Variants in C1orf174 observed in about 807,000 individuals in gnomAD.
C1orf174 encodes the protein chromosome 1 open reading frame 174, also known as UPF0688 protein C1orf174.
A neutral mutation model predicts 18.4 loss-of-function variants in C1orf174; 13 were observed. That is an observed-to-expected ratio of 0.71 (90% CI 0.46 to 1.12). C1orf174 has a LOEUF of 1.12. Ranked by LOEUF, C1orf174 falls within the 50% of genes most tolerant of loss-of-function variation. The pLI, the probability that C1orf174 is intolerant of heterozygous loss-of-function variation, is 0.00. For synonymous variants in C1orf174, 100 were observed against 118.3 expected, an observed-to-expected ratio of 0.85 and a Z score of 1.01; for missense variants, 309 against 308.0, an observed-to-expected ratio of 1.00 and a Z score of -0.02.
chr1:3,900,023 G>GC, intron 1 of C1orf174, 149 bp downstream of exon 1: 1 of 922,758 alleles, frequency 1.1e-6, no homozygotes, highest in Non-Finnish European at 1.5e-6. Context: ...GTGGCCTGGA[G>GC]CCCCCCAACT....
chr1:3,891,846 G>C, intron 2 of C1orf174: 1 of 981,806 alleles, frequency 1.0e-6, no homozygotes, highest in East Asian at 1.1e-4. Context: ...GGGTGGGCAG[G>C]TGCTAGGATC....
chr1:3,894,563 C>T (rs1459042113), intron 1 of C1orf174, among the ~76,000 whole-genome samples: 1 of 149,102 alleles, frequency 6.7e-6, no homozygotes, highest in African/African-American at 2.5e-5. Flanking sequence ...GCCGAGATTG[C>T]GCCACCGCAC....
intron 1 of C1orf174, among the ~76,000 whole-genome samples, chr1:3,898,229 G>A (rs544151134): frequency 1.2e-3 from 182 of 152,238 alleles, no homozygotes; most frequent in African/African-American, 4.1e-3. Flanking sequence ...CTTCAAAAAT[G>A]GGCTGGGCAT....
At chr1:3,894,884 G>A (rs1478912811) in intron 1 of C1orf174, among the ~76,000 whole-genome samples, 1 of 152,236 alleles carries the variant, frequency 6.6e-6, no homozygotes, top group Non-Finnish European at 1.5e-5. Context: ...ACAAGGGCAG[G>A]GCTTTGCTGA....
At chr1:3,897,112 CA>C (rs1189030315) in intron 1 of C1orf174, among the ~76,000 whole-genome samples, 42 of 152,096 alleles carry the variant, frequency 2.8e-4, no homozygotes, top group African/African-American at 9.7e-4. Context: ...ATTATGAAGG[CA>C]TAATTCCAAC....
chr1:3,896,657 T>C (rs1395224907), intron 1 of C1orf174, among the ~76,000 whole-genome samples: 3 of 152,176 alleles, frequency 2.0e-5, no homozygotes, highest in African/African-American at 4.8e-5. Context: ...ATAGGCCAAA[T>C]TGTAGGCCAA....
In C1orf174 at chr1:3,890,832, G is replaced by A; in HGVS notation, c.355C>T (p.Leu119Phe). The change falls in exon 3 of 4, where the codon CTT (leucine) becomes TTT (phenylalanine). Residue 119 changes from leucine to phenylalanine, a missense_variant. Leu to Phe is a conservative substitution (Grantham distance 22). Transcript: ENST00000361605. ...GVSVQQGAAS[L>F]PLGGCRVVSD... is the part of the protein sequence containing the mutation. Reference sequence around the variant, plus strand: ...ACAACTCTGCAGCCACCGAGAGGAAGACTTGCAGCCCCCTGCTGCACAGAA... The same window carrying A: ...ACAACTCTGCAGCCACCGAGAGGAAAACTTGCAGCCCCCTGCTGCACAGAA... 8 of 1,613,494 alleles carry A rather than the reference G, an allele frequency of 5.0e-6. No individual in the cohort carries two copies. The highest frequency in any genetic ancestry group is 6.8e-6 in the Non-Finnish European group (8 of 1,180,032).
rs146210242 is a variant in C1orf174, at chr1:3,890,046, G to T, written c.646C>A (p.Pro216Thr). The change falls in exon 4 of 4, where the codon CCT becomes ACT. Residue 216 changes from proline (P) to threonine (T), a missense_variant. By Grantham distance (38) the Pro-to-Thr change is conservative (BLOSUM62 -1). Transcript: ENST00000361605. ...CTGAACTCTCGTCTGCTCATTGAAG[G>T]ACAAGATGAAGACGCAGGTGGGAGG... ...QDLPPASSSC[P>T]SMSRREFRKM... 329 of 1,614,066 alleles carry T rather than the reference G, an allele frequency of 2.0e-4. 4 individuals carry two copies. Among genetic ancestry groups the T allele is most frequent in the Non-Finnish European group, 1.9e-4 (219 of 1,180,032 alleles).
Position 3,889,136 on chromosome 1 carries a change from TTTCAAAATATA to T in C1orf174, c.*813_*823del, listed in dbSNP as rs1373603751. ...GAACATACGACTGCTTTCAAAATAT[TTTCAAAATATA>T]TTTTATTTCTTTCTTACATGTATTT... is the stretch of plus-strand genomic sequence containing the variant. On this transcript the variant is annotated 3_prime_UTR_variant, in exon 4 of 4. Transcript: ENST00000361605. 6.6e-6 allele frequency: 1 copy of T among 152,224 alleles called. No individual in the cohort carries two copies. The highest frequency in any genetic ancestry group is 1.5e-5 in the Non-Finnish European group (1 of 68,040). 9.4% of individuals were successfully genotyped at this position (152,224 alleles called of 1,614,324 possible).
At chr1:3,897,671 CT>C (rs989148464) in intron 1 of C1orf174, among the ~76,000 whole-genome samples, 3 of 149,548 alleles carry the variant, frequency 2.0e-5, no homozygotes, top group African/African-American at 2.5e-5. Flanking sequence ...ATCCAGGAAT[CT>C]TTTTTTTTTG....
In C1orf174 at chr1:3,890,589, C is replaced by T; in HGVS notation, c.598G>A (p.Gly200Arg). ...CTTACCTGCATGAGCTCAACGTTTC[C>T]AAAGAACCGGCTCACGGGCATTGGC... is the stretch of plus-strand genomic sequence containing the variant. ...NQPMPVSRFFGNVELMQDLPP... is the reference protein window; with the variant it reads ...NQPMPVSRFFRNVELMQDLPP... Residue 200 changes from glycine to arginine, a missense_variant, in exon 3 of 4, where the codon GGA becomes AGA. Physicochemically the swap from Gly to Arg is moderately radical, Grantham distance 125. Transcript: ENST00000361605. The T allele has an allele frequency of 1.2e-6, 2 of 1,614,116 alleles. No homozygotes were observed. Among genetic ancestry groups the T allele is most frequent in the Non-Finnish European group, 8.5e-7 (1 of 1,180,034 alleles).
At chr1:3,899,357 C>A (rs1638664819) in intron 1 of C1orf174, among the ~76,000 whole-genome samples, 1 of 152,206 alleles carries the variant, frequency 6.6e-6, no homozygotes, top group Non-Finnish European at 1.5e-5. Context: ...AGTGGCCACT[C>A]CATTTGAACA....
chr1:3,891,020 G>A lies in C1orf174; in HGVS notation c.167C>T (p.Ser56Phe). 2 of 1,613,600 alleles carry A rather than the reference G, an allele frequency of 1.2e-6. No individual in the cohort carries two copies. Among genetic ancestry groups the A allele is most frequent in the Non-Finnish European group, 1.7e-6 (2 of 1,179,776 alleles). The stretch of plus-strand genomic sequence containing the variant: ...TCCTTTGTCACATTTGAACTTCTTG[G>A]ACGTTCGCGTGTCTGTGGCTTTGTG... ...SSHKATDTRT[S>F]KKFKCDKGHL... Residue 56 changes from serine (S) to phenylalanine (F), a missense_variant, in exon 3 of 4, where the codon TCC becomes TTC. Coordinates refer to ENST00000361605, the MANE Select transcript of C1orf174 (RefSeq NM_207356.3).
intron 1 of C1orf174, among the ~76,000 whole-genome samples, chr1:3,899,673 A>C (rs1409394706): frequency 6.6e-6 from 1 of 152,202 alleles, no homozygotes; most frequent in Non-Finnish European, 1.5e-5. Context: ...CAGGAGTTGA[A>C]ACCAGTTCTG....
chr1:3,890,171 C>T (rs1570962649), intron 3 of C1orf174, 98 bp from the exon 4 acceptor site: 16 of 932,984 alleles, frequency 1.7e-5, no homozygotes, highest in South Asian at 7.0e-5. Context: ...GCTCGCAGAG[C>T]GCTCTTCCCT....
At position 3,890,741 on chromosome 1, in the gene C1orf174, C is replaced by A. The variant is rs1638492916; in HGVS notation, c.446G>T (p.Gly149Val). ...GGAGCTGCTGTTGGATTCTTCTGCTCCGGACCCGGCACTGTGTTTTGGCAC... is the reference window on the plus strand; with the variant it reads ...GGAGCTGCTGTTGGATTCTTCTGCTACGGACCCGGCACTGTGTTTTGGCAC... ...LSVPKHSAGS[G>V]AEESNSSSTV... The change falls in exon 3 of 4, where the codon GGA becomes GTA. Residue 149 changes from glycine to valine, a missense_variant. Transcript: ENST00000361605. 6.2e-7 allele frequency: 1 copy of A among 1,613,982 alleles called. No individual in the cohort carries two copies. The highest frequency in any genetic ancestry group is 1.3e-5 in the African/African-American group (1 of 74,892).
In C1orf174 at chr1:3,890,824, G is replaced by A. The variant is rs4131373; in HGVS notation, c.363C>T (p.Leu121=). The A allele has an allele frequency of 0.17, 267,148 of 1,613,004 alleles. 23,395 individuals carry two copies. The highest frequency in any genetic ancestry group is 0.24 in the African/African-American group (18,071 of 74,928). ...AGTCACTCACAACTCTGCAGCCACC[G>A]AGAGGAAGACTTGCAGCCCCCTGCT... ...SVQQGAASLP[L]GGCRVVSDSR... The change falls in exon 3 of 4, where the codon CTC becomes CTT. Residue 121 remains leucine, a synonymous_variant. Coordinates refer to ENST00000361605, the MANE Select transcript of C1orf174 (RefSeq NM_207356.3).
chr1:3,891,708 C>T, intron 2 of C1orf174: 1 of 986,098 alleles, frequency 1.0e-6, no homozygotes, highest in Non-Finnish European at 1.2e-6. Flanking sequence ...TTTCCCCACC[C>T]ACTCTGCCTT....
intron 1 of C1orf174, among the ~76,000 whole-genome samples, chr1:3,899,750 G>GC (rs996805895): frequency 1.3e-5 from 2 of 152,184 alleles, no homozygotes; most frequent in Non-Finnish European, 2.9e-5. Flanking sequence ...TGACCTGGGA[G>GC]CCCCCTGTTG....
Sources: gnomAD v4.1 joint callset for allele counts (sites outside exome capture counted in the v4.1 genomes callset) on GRCh38, gnomAD v4.1.1 for gene constraint, MANE v1.5 for transcripts, NCBI Gene and HGNC (gene_info 2026-07-23, HGNC 2026-07-21) for gene names.